The following KCNK9 variants were observed in gnomAD, a reference collection of about 807,000 sequenced individuals.
KCNK9 encodes the protein potassium two pore domain channel subfamily K member 9, also known as potassium channel subfamily K member 9.
A neutral mutation model predicts 10.8 loss-of-function variants in KCNK9; 1 was observed. The observed-to-expected ratio is 0.09, with a 90% CI of 0.03 to 0.44. The LOEUF (loss-of-function observed/expected upper bound fraction) is 0.44, where lower values mean the gene tolerates loss of function less well. Among genes scored for constraint, KCNK9 ranks in the 20% least tolerant of loss-of-function variants. The probability of loss-of-function intolerance (pLI) is 0.97; values close to 1 mark genes in which losing one functional copy is unlikely to be tolerated. For synonymous variants in KCNK9, 231 were observed against 222.7 expected (o/e 1.04, Z -0.33); for missense variants, 303 against 515.0 (o/e 0.59, Z 3.98).
chr8:139,669,747 T>G (rs1384107947), intron 1 of KCNK9, among the ~76,000 whole-genome samples: 1 of 152,268 alleles, frequency 6.6e-6, no homozygotes, highest in African/African-American at 2.4e-5. Flanking sequence ...ATGTTTTTAC[T>G]GTCATATGGA....
At chr8:139,662,049 C>T (rs1461622484) in intron 1 of KCNK9, among the ~76,000 whole-genome samples, 3 of 152,198 alleles carry the variant, frequency 2.0e-5, no homozygotes, top group Non-Finnish European at 4.4e-5. Context: ...AGACTCAAGG[C>T]CAGGCTGACC....
chr8:139,660,720 T>C (rs529352837), intron 1 of KCNK9, among the ~76,000 whole-genome samples: 30 of 152,312 alleles, frequency 2.0e-4, no homozygotes, highest in Non-Finnish European at 4.3e-4. Context: ...TAATGCATAC[T>C]GGCTGTCATT....
chr8:139,620,621 C>T (rs1451072722), intron 1 of KCNK9, among the ~76,000 whole-genome samples: 3 of 152,026 alleles, frequency 2.0e-5, no homozygotes, highest in South Asian at 4.2e-4. Flanking sequence ...TGAATATGTG[C>T]CATAACCTAC....
At chr8:139,657,778 C>T (rs1816056929) in intron 1 of KCNK9, among the ~76,000 whole-genome samples, 1 of 151,940 alleles carries the variant, frequency 6.6e-6, no homozygotes, top group African/African-American at 2.4e-5. Context: ...CATGAATTAA[C>T]TTCCTGTCTC....
downstream of KCNK9, among the ~76,000 whole-genome samples, chr8:139,615,581 T>C (rs992311712): frequency 6.6e-6 from 1 of 152,012 alleles, no homozygotes; most frequent in Admixed American, 6.6e-5. Flanking sequence ...CCCTAAATAC[T>C]GACCATAAAC....
rs763076662 is a variant in KCNK9, at chr8:139,618,729, C to A, written c.654G>T (p.Pro218=). ...LQTKGALQKK[P]LYVAFSFMYI... Reference sequence around the variant, plus strand: ...ACATAAAGCTAAAGGCCACGTAGAGCGGCTTCTTCTGCAGGGCACCCTTGG... The same window carrying A: ...ACATAAAGCTAAAGGCCACGTAGAGAGGCTTCTTCTGCAGGGCACCCTTGG... The change falls in exon 2 of 2, where the codon CCG becomes CCT. Residue 218 remains proline (P), a synonymous_variant. Coordinates refer to ENST00000520439, the MANE Select transcript of KCNK9 (RefSeq NM_001282534.2). This position sits in a 1 kb window ranked among gnomAD's most constrained non-coding sequence, Gnocchi z 7.9. The A allele has an allele frequency of 6.2e-7, 1 of 1,614,218 alleles. No homozygotes were observed. The highest frequency in any genetic ancestry group is 8.5e-7 in the Non-Finnish European group (1 of 1,180,040).
At chr8:139,694,152 C>T (rs573761938) in intron 1 of KCNK9, among the ~76,000 whole-genome samples, 33 of 152,056 alleles carry the variant, frequency 2.2e-4, no homozygotes, top group African/African-American at 7.0e-4. Flanking sequence ...ATCAGGGGTT[C>T]GGCGGCAGCA....
chr8:139,641,090 G>T (rs759253397), intron 1 of KCNK9, among the ~76,000 whole-genome samples: 34 of 152,368 alleles, frequency 2.2e-4, no homozygotes, highest in Non-Finnish European at 4.7e-4. Context: ...GCACGAGGAG[G>T]TGAGGCAGGT....
intron 1 of KCNK9, among the ~76,000 whole-genome samples, chr8:139,660,450 ATATATATATAT>A: frequency 7.9e-6 from 1 of 126,276 alleles, no homozygotes; most frequent in East Asian, 2.0e-4. Flanking sequence ...CTAAAAAAAA[ATATATATATAT>A]ATATATATAT....
intron 1 of KCNK9, among the ~76,000 whole-genome samples, chr8:139,621,630 T>C (rs1814784410): frequency 6.6e-6 from 1 of 152,180 alleles, no homozygotes; most frequent in Non-Finnish European, 1.5e-5. Flanking sequence ...GAAGTAAAAC[T>C]ATAAGAGAGT....
intron 1 of KCNK9, among the ~76,000 whole-genome samples, chr8:139,647,817 C>A (rs1396944172): frequency 6.6e-6 from 1 of 152,298 alleles, no homozygotes; most frequent in East Asian, 1.9e-4. Context: ...TCCGCCCTTA[C>A]CCCCTCTCAG....
intron 1 of KCNK9, among the ~76,000 whole-genome samples, chr8:139,675,328 G>A (rs867695708): frequency 7.2e-5 from 11 of 152,308 alleles, no homozygotes; most frequent in South Asian, 4.1e-4. Context: ...CGTATTCCAC[G>A]CTCTGCAGTG....
In KCNK9 at chr8:139,621,566, C is replaced by T. The variant is rs534103291; in HGVS notation, c.284-2467G>A. On this transcript the variant is annotated intron_variant, in intron 1 of 1. Coordinates refer to ENST00000520439, the MANE Select transcript of KCNK9 (RefSeq NM_001282534.2). Reference sequence around the variant, plus strand: ...GAACTAAGACTGCTCACTGAAAATTCCATATCCAGAGAAATTATCCTTCAA... The same window carrying T: ...GAACTAAGACTGCTCACTGAAAATTTCATATCCAGAGAAATTATCCTTCAA... Among the ~76,000 whole-genome samples the T allele has an allele frequency of 3.9e-5, 6 of 152,282 alleles. No homozygotes were observed. The South Asian group carries it at 1.2e-3, about 32-fold the overall frequency.
At chr8:139,677,765 G>GC (rs1816590007) in intron 1 of KCNK9, among the ~76,000 whole-genome samples, 10 of 113,876 alleles carry the variant, frequency 8.8e-5, no homozygotes, top group African/African-American at 3.9e-4. Flanking sequence ...CCTCACATCT[G>GC]ATCCCAATGT....
In KCNK9 at chr8:139,695,965, G is replaced by A. The variant is rs76678627; in HGVS notation, c.283+6745C>T. Among the ~76,000 whole-genome samples the A allele has an allele frequency of 3.2e-3, 486 of 152,246 alleles. 3 individuals carry two copies. Among genetic ancestry groups the A allele is most frequent in the Admixed American group, 7.2e-3 (110 of 15,292 alleles). On this transcript the variant is annotated intron_variant, in intron 1 of 1. Transcript: ENST00000520439. ...CTGTCCCCACTCCAGGCTCAACTTC[G>A]CATCTGTGAGCTGAAATCCCTCTCA...
chr8:139,636,084 AC>A (rs1369271506), intron 1 of KCNK9, among the ~76,000 whole-genome samples: 2 of 152,190 alleles, frequency 1.3e-5, no homozygotes, highest in African/African-American at 4.8e-5. Flanking sequence ...ATGTACAAAG[AC>A]CAGAAACCAA....
At chr8:139,619,231 G>C (rs1814701267) in intron 1 of KCNK9, 132 bp from the exon 2 acceptor site, 1 of 989,414 alleles carries the variant, frequency 1.0e-6, no homozygotes, top group African/African-American at 1.6e-5. Flanking sequence ...TTCCTCTGCA[G>C]GGTAGAGGGG....
intron 1 of KCNK9, among the ~76,000 whole-genome samples, chr8:139,677,625 ATG>A (rs1816578790): frequency 2.5e-5 from 1 of 40,778 alleles, no homozygotes; most frequent in East Asian, 3.8e-4. Flanking sequence ...GAGTAATACC[ATG>A]CATCCCAGCC....
chr8:139,622,167 G>A (rs543125586), intron 1 of KCNK9, among the ~76,000 whole-genome samples: 1 of 152,282 alleles, frequency 6.6e-6, no homozygotes, highest in East Asian at 1.9e-4. Flanking sequence ...ACATCCCTTG[G>A]TAAGACACGT....
Sources: allele counts gnomAD v4.1 joint callset (sites outside exome capture counted in the v4.1 genomes callset), GRCh38; gene constraint gnomAD v4.1.1; non-coding constraint Gnocchi (gnomAD v3.1); transcripts MANE v1.5; gene names NCBI Gene and HGNC (gene_info 2026-07-23, HGNC 2026-07-21).